The following DRD2 variants were observed in gnomAD, a reference collection of about 807,000 sequenced individuals.
DRD2 encodes the protein D(2) dopamine receptor.
Under a neutral mutation model 38.0 loss-of-function variants are expected in DRD2, and 8 were observed. That is an observed-to-expected ratio of 0.21 (90% CI 0.12 to 0.38). DRD2 has a LOEUF of 0.38. Ranked by LOEUF, DRD2 falls within the 10% of genes least tolerant of loss-of-function variation. The probability of loss-of-function intolerance (pLI) is 1.00; values close to 1 mark genes in which losing one functional copy is unlikely to be tolerated. For synonymous variants in DRD2, 230 were observed against 238.6 expected, an observed-to-expected ratio of 0.96 and a Z score of 0.33; for missense variants, 403 against 607.7, an observed-to-expected ratio of 0.66 and a Z score of 3.54.
chr11:113,462,833 C>A (rs1352011329), intron 1 of DRD2, among the ~76,000 whole-genome samples: 3 of 152,254 alleles, frequency 2.0e-5, no homozygotes, highest in Non-Finnish European at 2.9e-5. Context: ...TTCATCTATG[C>A]AACAAGTATT....
At chr11:113,428,913 C>T (rs1210497039) in intron 1 of DRD2, among the ~76,000 whole-genome samples, 1 of 152,116 alleles carries the variant, frequency 6.6e-6, no homozygotes. Context: ...AGGCACTAGT[C>T]TAGGATTTAA....
In DRD2 at chr11:113,416,953, A is replaced by C; in HGVS notation, c.442T>G (p.Ser148Ala). The C allele has an allele frequency of 6.2e-7, 1 of 1,614,096 alleles. No homozygotes were observed. The change falls in exon 4 of 8, where the codon TCC (serine) becomes GCC (alanine). Residue 148 changes from serine (S) to alanine (A), a missense_variant. Coordinates refer to ENST00000362072, the MANE Select transcript of DRD2 (RefSeq NM_000795.4). ...MPMLYNTRYS[S>A]KRRVTVMISI... ...ATCATGACGGTGACCCGGCGCTTGG[A>C]GCTGTAGCGCGTATTGTACAGCATG...
chr11:113,424,225 A>T, intron 2 of DRD2, 142 bp downstream of exon 2: 3 of 826,668 alleles, frequency 3.6e-6, no homozygotes, highest in Non-Finnish European at 5.8e-6. Context: ...AAGGAGAAAA[A>T]GTAAGCCCAG....
At chr11:113,452,080 C>T (rs965744956) in intron 1 of DRD2, among the ~76,000 whole-genome samples, 5 of 152,054 alleles carry the variant, frequency 3.3e-5, no homozygotes, top group Admixed American at 6.6e-5. Flanking sequence ...AAAGCCTGCA[C>T]GCTTCTTCTT....
At position 113,414,556 on chromosome 11, in the gene DRD2, G is replaced by A; in HGVS notation, c.724-95C>T. The A allele has an allele frequency of 1.6e-5, 21 of 1,316,098 alleles. No homozygotes were observed. The South Asian group carries it at 2.4e-4, about 15-fold the overall frequency. The allele number at this position is 1,316,098 out of a possible 1,614,324, so 81.5% of individuals were successfully genotyped here. ...CAGCAGTCCATGGAACTCAGACTGG[G>A]CAGAAGGGCTCAGAGATCAGGAGGG... On this transcript the variant is annotated intron_variant, in intron 5 of 7. Transcript: ENST00000362072.
Position 113,410,196 on chromosome 11 carries a change from C to G in DRD2, c.*531G>C, listed in dbSNP as rs1565657811. The stretch of plus-strand genomic sequence containing the variant: ...GCTAAGGTTTTTGGCTTGGGAATCT[C>G]TGGGGTCCAACCTGCAGTCTGGTAT... On this transcript the variant is annotated 3_prime_UTR_variant, in exon 8 of 8. Transcript: ENST00000362072. The G allele has an allele frequency of 5.2e-6, 1 of 192,738 alleles. No homozygotes were observed. The highest frequency in any genetic ancestry group is 1.1e-5 in the Non-Finnish European group (1 of 92,166). 11.9% of individuals were successfully genotyped at this position (192,738 alleles called of 1,614,324 possible).
chr11:113,455,269 A>G (rs979700010), intron 1 of DRD2, among the ~76,000 whole-genome samples: 1 of 152,074 alleles, frequency 6.6e-6, no homozygotes, highest in Non-Finnish European at 1.5e-5. Context: ...AGGCTGAGGC[A>G]GAGAATTGCT....
intron 7 of DRD2, 39 bp from the exon 8 acceptor site, chr11:113,410,959 G>C: frequency 6.3e-7 from 1 of 1,582,944 alleles, no homozygotes. Context: ...CCCCAGAGCC[G>C]GGGAGGCACG....
chr11:113,467,425 C>G (rs1466254948), intron 1 of DRD2, among the ~76,000 whole-genome samples: 1 of 152,134 alleles, frequency 6.6e-6, no homozygotes, highest in Non-Finnish European at 1.5e-5. Context: ...CAGGCAGGAC[C>G]ATACTTCACC....
At chr11:113,431,707 T>G (rs559303849) in intron 1 of DRD2, among the ~76,000 whole-genome samples, 1 of 152,322 alleles carries the variant, frequency 6.6e-6, no homozygotes, top group East Asian at 1.9e-4. Context: ...CTAGAATGCA[T>G]CAAGGTGCAT....
intron 1 of DRD2, among the ~76,000 whole-genome samples, chr11:113,472,576 T>C (rs1951439805): frequency 6.6e-6 from 1 of 152,194 alleles, no homozygotes; most frequent in Non-Finnish European, 1.5e-5. Flanking sequence ...TACTAGCCTT[T>C]TTACCCCTAC....
At chr11:113,433,611 C>T (rs984428437) in intron 1 of DRD2, among the ~76,000 whole-genome samples, 30 of 152,306 alleles carry the variant, frequency 2.0e-4, no homozygotes, top group Admixed American at 1.6e-3. Context: ...GCTCAGGGAC[C>T]GCGCAGCAGC....
intron 4 of DRD2, 129 bp downstream of exon 4, chr11:113,416,734 C>T (rs1032940771): frequency 2.2e-6 from 3 of 1,387,474 alleles, no homozygotes; most frequent in Admixed American, 2.0e-5. Flanking sequence ...GGACTCAGTC[C>T]AGGGTAGTGA....
At chr11:113,430,970 A>G (rs914012135) in intron 1 of DRD2, among the ~76,000 whole-genome samples, 1 of 152,346 alleles carries the variant, frequency 6.6e-6, no homozygotes, top group Non-Finnish European at 1.5e-5. Context: ...ATAAAGTGGC[A>G]CAGTATATTT....
At chr11:113,417,363 T>C (rs1248751587) in intron 3 of DRD2, among the ~76,000 whole-genome samples, 1 of 152,236 alleles carries the variant, frequency 6.6e-6, no homozygotes, top group Non-Finnish European at 1.5e-5. Context: ...TGTTTGTTGA[T>C]AAATTGTTAG....
chr11:113,414,668 GT>G (rs1189576942), intron 5 of DRD2, among the ~76,000 whole-genome samples: 3 of 152,202 alleles, frequency 2.0e-5, no homozygotes, highest in Non-Finnish European at 4.4e-5. Flanking sequence ...CAAGGACCTG[GT>G]TTTTTATGGA....
At chr11:113,438,861 G>T (rs1316121315) in intron 1 of DRD2, among the ~76,000 whole-genome samples, 1 of 152,174 alleles carries the variant, frequency 6.6e-6, no homozygotes, top group Admixed American at 6.5e-5. Flanking sequence ...GCAATCATCA[G>T]CACTGCATTA....
chr11:113,411,615 A>G (rs1239866618), intron 7 of DRD2: 1 of 152,438 alleles, frequency 6.6e-6, no homozygotes, highest in Non-Finnish European at 1.5e-5. Flanking sequence ...CAGGCACAGG[A>G]GGCATCCCTG....
At chr11:113,413,772 A>T (rs1356381740) in intron 6 of DRD2, 1 of 212,340 alleles carries the variant, frequency 4.7e-6, no homozygotes, top group East Asian at 1.1e-4. Flanking sequence ...TACAGCTACC[A>T]CCTGGCAGAG....
Sources: allele counts gnomAD v4.1 joint callset (sites outside exome capture counted in the v4.1 genomes callset), GRCh38; gene constraint gnomAD v4.1.1; transcripts MANE v1.5; gene names NCBI Gene and HGNC (gene_info 2026-07-23, HGNC 2026-07-21).